The following FGGY variants were observed in gnomAD, a reference collection of about 807,000 sequenced individuals.
FGGY encodes FGGY carbohydrate kinase domain-containing protein.
A neutral mutation model predicts 71.3 loss-of-function variants in FGGY; 72 were observed. The observed-to-expected ratio is 1.01, with a 90% CI of 0.84 to 1.23. The LOEUF (loss-of-function observed/expected upper bound fraction) is 1.23, where lower values mean the gene tolerates loss of function less well. Among genes scored for constraint, FGGY ranks in the 50% most tolerant of loss-of-function variants. FGGY has a pLI of 0.00. For synonymous variants in FGGY, 251 were observed against 250.3 expected, an observed-to-expected ratio of 1.00 and a Z score of -0.02; for missense variants, 668 against 682.3, an observed-to-expected ratio of 0.98 and a Z score of 0.23.
chr1:59,581,272 C>A (rs1169469510), intron 8 of FGGY, among the ~76,000 whole-genome samples: 1 of 149,766 alleles, frequency 6.7e-6, no homozygotes, highest in East Asian at 1.9e-4. Flanking sequence ...TTCCCTGAGA[C>A]CATTTGCATG....
intron 5 of FGGY, among the ~76,000 whole-genome samples, chr1:59,449,343 G>A (rs998415433): frequency 3.3e-5 from 5 of 152,136 alleles, no homozygotes; most frequent in Admixed American, 1.3e-4. Context: ...GAGTGCAATG[G>A]CACAATCTCG....
chr1:59,488,215 T>C (rs548876995), intron 6 of FGGY, among the ~76,000 whole-genome samples: 91 of 152,252 alleles, frequency 6.0e-4, no homozygotes, highest in African/African-American at 2.2e-3. Flanking sequence ...ACTTAAATGT[T>C]TACCTTTTTT....
At chr1:59,660,369 C>T (rs1282752272) in intron 12 of FGGY, 76 bp downstream of exon 12, 5 of 1,056,294 alleles carry the variant, frequency 4.7e-6, no homozygotes, top group East Asian at 4.9e-5. Flanking sequence ...CCCCAAGATA[C>T]AGCACATGCT....
At chr1:59,317,120 G>A (rs1314677164) in intron 1 of FGGY, among the ~76,000 whole-genome samples, 3 of 152,126 alleles carry the variant, frequency 2.0e-5, no homozygotes, top group African/African-American at 7.2e-5. Flanking sequence ...TACCTCACAG[G>A]GTTGCTATAA....
At chr1:59,409,465 C>T (rs1381749955) in intron 5 of FGGY, among the ~76,000 whole-genome samples, 1 of 152,108 alleles carries the variant, frequency 6.6e-6, no homozygotes, top group Non-Finnish European at 1.5e-5. Context: ...CATAAGGAGG[C>T]TTCGGGAGTT....
intron 5 of FGGY, among the ~76,000 whole-genome samples, chr1:59,428,004 T>C (rs1423697311): frequency 6.6e-6 from 1 of 152,144 alleles, no homozygotes; most frequent in Non-Finnish European, 1.5e-5. Flanking sequence ...GAGTACAGTA[T>C]GGGGGATGGC....
At chr1:59,488,338 A>C (rs937558789) in intron 6 of FGGY, among the ~76,000 whole-genome samples, 2 of 151,720 alleles carry the variant, frequency 1.3e-5, no homozygotes, top group African/African-American at 4.8e-5. Flanking sequence ...AAAAATACAA[A>C]CTCTTTAAAA....
intron 14 of FGGY, among the ~76,000 whole-genome samples, chr1:59,721,088 T>C (rs757450170): frequency 1.3e-5 from 2 of 152,178 alleles, no homozygotes; most frequent in Non-Finnish European, 2.9e-5. Context: ...ATCAGAGAGA[T>C]GCCATTCCTA....
At chr1:59,414,690 G>A (rs964823843) in intron 5 of FGGY, among the ~76,000 whole-genome samples, 2 of 152,212 alleles carry the variant, frequency 1.3e-5, no homozygotes, top group African/African-American at 4.8e-5. Context: ...CTCTCTCTGG[G>A]CCTAAGGAAC....
chr1:59,684,050 A>G (rs965996353), intron 14 of FGGY, among the ~76,000 whole-genome samples: 6 of 152,066 alleles, frequency 3.9e-5, no homozygotes, highest in Non-Finnish European at 5.9e-5. Flanking sequence ...CTCGATGGCC[A>G]TTTCATTTTT....
chr1:59,688,734 A>T (rs1322115711), intron 14 of FGGY, among the ~76,000 whole-genome samples: 3 of 141,752 alleles, frequency 2.1e-5, no homozygotes, highest in Non-Finnish European at 4.5e-5. Flanking sequence ...GTAGTATAAG[A>T]CCAAGTGTTT....
At chr1:59,438,919 C>T (rs112963860) in intron 5 of FGGY, among the ~76,000 whole-genome samples, 169 of 152,250 alleles carry the variant, frequency 1.1e-3, no homozygotes, top group Non-Finnish European at 2.1e-3. Context: ...TCTGTTCCAA[C>T]GCATGATTTA....
intron 14 of FGGY, among the ~76,000 whole-genome samples, chr1:59,747,606 C>T (rs991577882): frequency 6.6e-6 from 1 of 152,190 alleles, no homozygotes; most frequent in African/African-American, 2.4e-5. Context: ...TTTACTCCAA[C>T]CCCCTCATTC....
intron 5 of FGGY, among the ~76,000 whole-genome samples, chr1:59,435,745 C>CGT (rs10563712): frequency 0.13 from 18,814 of 142,148 alleles, 1,317 homozygotes; most frequent in Non-Finnish European, 0.17. Context: ...TGTGTGCCTG[C>CGT]GTGTGTGTGT....
chr1:59,590,482 C>CA (rs1487401155), intron 8 of FGGY, among the ~76,000 whole-genome samples: 2 of 152,054 alleles, frequency 1.3e-5, no homozygotes, highest in African/African-American at 2.4e-5. Flanking sequence ...AGAGACACAA[C>CA]CAAAAAAGAG....
intron 11 of FGGY, among the ~76,000 whole-genome samples, chr1:59,649,121 G>T (rs1390187637): frequency 2.0e-5 from 3 of 151,744 alleles, no homozygotes; most frequent in Non-Finnish European, 2.9e-5. Flanking sequence ...CTCTCTTTTG[G>T]TACCAGTACC....
chr1:59,453,199 A>G (rs944910089), intron 5 of FGGY, among the ~76,000 whole-genome samples: 2 of 152,192 alleles, frequency 1.3e-5, no homozygotes, highest in Non-Finnish European at 2.9e-5. Flanking sequence ...AAACTCAATG[A>G]ATTGGACCCT....
intron 14 of FGGY, chr1:59,697,622 T>C (rs746244767): frequency 6.8e-5 from 87 of 1,278,314 alleles, no homozygotes; most frequent in Non-Finnish European, 8.6e-5. Flanking sequence ...TTTGGCGTGC[T>C]TAACATTTTT....
chr1:59,731,137 C>T (rs2098022740), intron 14 of FGGY, among the ~76,000 whole-genome samples: 2 of 152,212 alleles, frequency 1.3e-5, no homozygotes, highest in Admixed American at 1.3e-4. Flanking sequence ...TGATGATACC[C>T]ATGCTCTTTT....
Sources: allele counts gnomAD v4.1 joint callset (sites outside exome capture counted in the v4.1 genomes callset), GRCh38; gene constraint gnomAD v4.1.1; transcripts MANE v1.5; gene names NCBI Gene and HGNC (gene_info 2026-07-23, HGNC 2026-07-21).